Variants in GLMN observed in about 807,000 individuals in gnomAD.
GLMN encodes glomulin, FKBP associated protein.
A neutral mutation model predicts 87.8 loss-of-function variants in GLMN; 75 were observed. The ratio of observed to expected loss-of-function variants is 0.85; its 90% CI spans 0.71 to 1.04. GLMN has a LOEUF of 1.04. Ranked by LOEUF, GLMN falls within the 50% of genes least tolerant of loss-of-function variation. The pLI is 0.00. For synonymous variants in GLMN, 206 were observed against 221.6 expected (o/e 0.93, Z 0.63); for missense variants, 588 against 658.8 (o/e 0.89, Z 1.18).
chr1:92,324,525 A>T, the GLMN span: 26 of 636,496 alleles, frequency 4.1e-5, no homozygotes, highest in Non-Finnish European at 6.1e-5. Flanking sequence ...TTACAGTGCC[A>T]TCTCCACTGT....
chr1:92,336,291 A>G, the GLMN span: 2 of 1,254,342 alleles, frequency 1.6e-6, no homozygotes, highest in East Asian at 2.5e-5. Context: ...GGCATGACCC[A>G]AAAAAAGTTT....
the GLMN span, among the ~76,000 whole-genome samples, chr1:92,305,204 G>A: frequency 6.6e-6 from 1 of 151,770 alleles, no homozygotes; most frequent in African/African-American, 2.4e-5. Context: ...AGGCCGAGGC[G>A]GGCAGATCAC....
chr1:92,298,339 T>C (rs938117719), intron 1 of GLMN, among the ~76,000 whole-genome samples: 2 of 151,794 alleles, frequency 1.3e-5, no homozygotes, highest in Admixed American at 1.3e-4. Flanking sequence ...AAAAAAAACC[T>C]CTCGAGCACT....
chr1:92,299,191 G>A, upstream of GLMN: 4 of 1,254,210 alleles, frequency 3.2e-6, no homozygotes, highest in Non-Finnish European at 4.4e-6. Flanking sequence ...TGAAAGCTGG[G>A]CCCCGATCTC....
intron 16 of GLMN, among the ~76,000 whole-genome samples, chr1:92,250,154 C>G (rs932292103): frequency 6.9e-6 from 1 of 145,116 alleles, no homozygotes; most frequent in Non-Finnish European, 1.5e-5. Flanking sequence ...CTAGCTTTGA[C>G]AAAAGGAAAC....
intron 7 of GLMN, among the ~76,000 whole-genome samples, chr1:92,275,004 A>G (rs1378178032): frequency 6.6e-6 from 1 of 152,194 alleles, no homozygotes; most frequent in Non-Finnish European, 1.5e-5. Context: ...CCTTGGAAAA[A>G]TAACTGCAAT....
chr1:92,346,148 A>G, the GLMN span, among the ~76,000 whole-genome samples: 4 of 149,184 alleles, frequency 2.7e-5, no homozygotes, highest in African/African-American at 9.9e-5. Flanking sequence ...TACAAATACT[A>G]TTTGTTTTCA....
intron 9 of GLMN, 93 bp from the exon 10 acceptor site, chr1:92,268,228 A>G (rs1000034267): frequency 5.6e-6 from 4 of 717,026 alleles, no homozygotes; most frequent in South Asian, 1.6e-5. Flanking sequence ...CTGAAATTTT[A>G]ACACTTTTAA....
upstream of GLMN, chr1:92,299,223 G>A: frequency 1.1e-6 from 1 of 908,754 alleles, no homozygotes; most frequent in Non-Finnish European, 1.6e-6. Context: ...CGCAGCGCGC[G>A]GGCGCTCCTG....
At chr1:92,262,602 C>A (rs905980211) in intron 16 of GLMN, among the ~76,000 whole-genome samples, 13 of 152,204 alleles carry the variant, frequency 8.5e-5, no homozygotes. Flanking sequence ...TTAGGACCTG[C>A]AACTTATCCA....
At chr1:92,297,661 A>G (rs1650274679) in intron 2 of GLMN, 132 bp from the exon 3 acceptor site, 4 of 792,226 alleles carry the variant, frequency 5.0e-6, no homozygotes, top group Non-Finnish European at 8.2e-6. Context: ...TGTAACGTAA[A>G]TAACACACGT....
chr1:92,323,435 C>T, the GLMN span: 6 of 1,518,574 alleles, frequency 4.0e-6, no homozygotes, highest in Non-Finnish European at 4.4e-6. Context: ...ATTTCTCTTT[C>T]ATTCTACAGT....
At chr1:92,341,270 A>C in the GLMN span, among the ~76,000 whole-genome samples, 2 of 152,124 alleles carry the variant, frequency 1.3e-5, no homozygotes, top group Non-Finnish European at 2.9e-5. Flanking sequence ...CAGACTTCCA[A>C]AGTGCTGGTA....
At chr1:92,272,034 T>C (rs191488765) in intron 7 of GLMN, among the ~76,000 whole-genome samples, 1 of 152,324 alleles carries the variant, frequency 6.6e-6, no homozygotes, top group Non-Finnish European at 1.5e-5. Flanking sequence ...AGAAGGCTCA[T>C]GGACAGAACT....
At chr1:92,319,311 C>T in the GLMN span, among the ~76,000 whole-genome samples, 5 of 152,182 alleles carry the variant, frequency 3.3e-5, no homozygotes, top group Non-Finnish European at 4.4e-5. Context: ...GGTTTGATTC[C>T]TGGCTTCACC....
chr1:92,358,619 G>A, the GLMN span, among the ~76,000 whole-genome samples: 12 of 151,788 alleles, frequency 7.9e-5, no homozygotes, highest in Admixed American at 2.0e-4. Flanking sequence ...ACAGGGTCTC[G>A]CTCTGTCACC....
At chr1:92,351,581 T>A in the GLMN span, among the ~76,000 whole-genome samples, 2 of 152,156 alleles carry the variant, frequency 1.3e-5, no homozygotes, top group South Asian at 4.1e-4. Flanking sequence ...CCTCTTCCCT[T>A]TGCTCTTGGT....
intron 7 of GLMN, among the ~76,000 whole-genome samples, chr1:92,277,036 C>A (rs1355288211): frequency 6.6e-6 from 1 of 152,142 alleles, no homozygotes; most frequent in African/African-American, 2.4e-5. Context: ...CAAGCAAAAA[C>A]CCTCATCCAT....
chr1:92,353,373 G>A, the GLMN span, among the ~76,000 whole-genome samples: 1 of 152,140 alleles, frequency 6.6e-6, no homozygotes, highest in Non-Finnish European at 1.5e-5. Context: ...ACACCCAGTA[G>A]TCATTTTAAA....
Sources: gnomAD v4.1 joint callset for allele counts (sites outside exome capture counted in the v4.1 genomes callset) on GRCh38, gnomAD v4.1.1 for gene constraint, MANE v1.5 for transcripts, NCBI Gene and HGNC (gene_info 2026-07-23, HGNC 2026-07-21) for gene names.